Variants in GRIP1 observed in about 807,000 individuals in gnomAD.
GRIP1 encodes the protein glutamate receptor-interacting protein 1.
A neutral mutation model predicts 129.9 loss-of-function variants in GRIP1; 45 were observed. That is an observed-to-expected ratio of 0.35 (90% CI 0.27 to 0.44). GRIP1 has a LOEUF of 0.44. Ranked by LOEUF, GRIP1 falls within the 20% of genes least tolerant of loss-of-function variation. The pLI, the probability that GRIP1 is intolerant of heterozygous loss-of-function variation, is 1.00. For missense variants in GRIP1, 1,196 were observed against 1,396.8 expected, an observed-to-expected ratio of 0.86 and a Z score of 2.29; for synonymous variants, 530 against 520.8, an observed-to-expected ratio of 1.02 and a Z score of -0.24.
chr12:66,590,950 T>C (rs780660068), intron 2 of GRIP1, among the ~76,000 whole-genome samples: 2 of 152,172 alleles, frequency 1.3e-5, no homozygotes, highest in Non-Finnish European at 2.9e-5. Context: ...GGGCCACAGA[T>C]TCCTCACAGA....
chr12:66,503,539 C>T (rs1237094425), intron 7 of GRIP1, among the ~76,000 whole-genome samples: 1 of 152,190 alleles, frequency 6.6e-6, no homozygotes, highest in Non-Finnish European at 1.5e-5. Context: ...TAAACTTCCA[C>T]TCCTGCTCCG....
intron 1 of GRIP1, among the ~76,000 whole-genome samples, chr12:66,875,026 A>C (rs2040359626): frequency 6.6e-6 from 1 of 152,088 alleles, no homozygotes; most frequent in Non-Finnish European, 1.5e-5. Flanking sequence ...AGACACATAA[A>C]GATAGGAACC....
rs551065018 is a variant in GRIP1, at chr12:66,835,138, A to ACAAC, written c.58+233908_58+233911dup. Among the ~76,000 whole-genome samples, 4 of 152,280 alleles carry ACAAC rather than the reference A, an allele frequency of 2.6e-5. No individual in the cohort carries two copies. The East Asian group carries it at 7.7e-4, about 29-fold the overall frequency. On this transcript the variant is annotated intron_variant, in intron 1 of 1. Coordinates refer to the GRIP1 transcript ENST00000643019. Reference sequence around the variant, plus strand: ...TTTTTAAAACTCAAGCAGAAAACGAACAACCAACCAACCAAATAAACAAAC... The same window carrying ACAAC: ...TTTTTAAAACTCAAGCAGAAAACGAACAACCAACCAACCAACCAAATAAACAAAC...
chr12:66,415,342 G>C (rs2057560952), intron 15 of GRIP1, among the ~76,000 whole-genome samples: 1 of 152,156 alleles, frequency 6.6e-6, no homozygotes, highest in Non-Finnish European at 1.5e-5. Context: ...CTGATCATTA[G>C]AGAAATACAA....
At chr12:67,052,046 C>T (rs2043354738) in intron 1 of GRIP1, among the ~76,000 whole-genome samples, 1 of 152,152 alleles carries the variant, frequency 6.6e-6, no homozygotes, top group Admixed American at 6.5e-5. Flanking sequence ...CAAATGGAGG[C>T]ATATTCTTTA....
intron 9 of GRIP1, among the ~76,000 whole-genome samples, chr12:66,462,242 A>C (rs1475509330): frequency 6.6e-6 from 1 of 152,228 alleles, no homozygotes; most frequent in Non-Finnish European, 1.5e-5. Context: ...AAAAGACATA[A>C]TATATTGTAA....
chr12:66,965,018 C>A (rs1247680942), intron 1 of GRIP1, among the ~76,000 whole-genome samples: 2 of 152,076 alleles, frequency 1.3e-5, no homozygotes, highest in African/African-American at 4.8e-5. Flanking sequence ...TTAACTTAAG[C>A]ACCTCTTTAA....
chr12:66,583,755 A>C (rs1344271156), intron 2 of GRIP1, among the ~76,000 whole-genome samples: 1 of 137,266 alleles, frequency 7.3e-6, no homozygotes, highest in South Asian at 2.3e-4. Context: ...AAGTCAGGAA[A>C]CAACAGGTGC....
At chr12:66,503,316 G>T (rs2060441215) in intron 7 of GRIP1, among the ~76,000 whole-genome samples, 1 of 152,060 alleles carries the variant, frequency 6.6e-6, no homozygotes, top group Non-Finnish European at 1.5e-5. Flanking sequence ...AGATGGGCAT[G>T]CATACAACTT....
At chr12:66,995,131 G>A (rs2042448482) in intron 1 of GRIP1, among the ~76,000 whole-genome samples, 1 of 151,080 alleles carries the variant, frequency 6.6e-6, no homozygotes, top group Admixed American at 6.6e-5. Flanking sequence ...AGTACAACTG[G>A]ATATTTATAT....
chr12:66,544,817 G>C (rs889502578), intron 2 of GRIP1, among the ~76,000 whole-genome samples: 2 of 152,100 alleles, frequency 1.3e-5, no homozygotes, highest in Non-Finnish European at 2.9e-5. Flanking sequence ...TCTCCACTTG[G>C]CTAATTAATC....
intron 1 of GRIP1, among the ~76,000 whole-genome samples, chr12:66,849,473 G>T (rs1394622150): frequency 1.3e-5 from 2 of 151,944 alleles, no homozygotes. Flanking sequence ...CTTTTGGCTG[G>T]GTACAGTGGC....
intron 1 of GRIP1, among the ~76,000 whole-genome samples, chr12:66,870,776 A>C (rs1465748060): frequency 4.6e-5 from 7 of 152,108 alleles, no homozygotes; most frequent in African/African-American, 1.7e-4. Flanking sequence ...TGTCAATGCT[A>C]GGATTTACAG....
rs994599110 is a variant in GRIP1 at position 66,961,490 on chromosome 12, G to A, written c.58+107560C>T. Among the ~76,000 whole-genome samples the A allele has an allele frequency of 1.1e-4, 16 of 152,226 alleles. No individual in the cohort carries two copies. The East Asian group carries it at 2.9e-3, about 28-fold the overall frequency. The stretch of plus-strand genomic sequence containing the variant: ...AAACAATGTTATAAGAAGTAGTTAA[G>A]TTTAAGGAAGAAGTAGTTAAGTTTA... On this transcript the variant is annotated intron_variant, in intron 1 of 1. Transcript: ENST00000643019.
intron 15 of GRIP1, among the ~76,000 whole-genome samples, chr12:66,416,337 G>A (rs2137785143): frequency 1.3e-5 from 2 of 152,142 alleles, no homozygotes; most frequent in Middle Eastern, 6.8e-3. Flanking sequence ...ACCTAACAAT[G>A]CATCTTAAAG....
At chr12:67,039,548 A>G (rs1434540613) in intron 1 of GRIP1, among the ~76,000 whole-genome samples, 1 of 152,176 alleles carries the variant, frequency 6.6e-6, no homozygotes, top group Admixed American at 6.5e-5. Context: ...TGCTAGTCAA[A>G]AGTCAATTAA....
intron 1 of GRIP1, among the ~76,000 whole-genome samples, chr12:66,733,816 C>T (rs972558599): frequency 4.6e-5 from 7 of 152,086 alleles, no homozygotes; most frequent in African/African-American, 9.7e-5. Context: ...ACCAAAACAT[C>T]CTGTAGGATT....
At chr12:67,048,649 T>A (rs1397046606) in intron 1 of GRIP1, among the ~76,000 whole-genome samples, 1 of 152,074 alleles carries the variant, frequency 6.6e-6, no homozygotes, top group East Asian at 1.9e-4. Flanking sequence ...CATCCTGAGT[T>A]GTAACTCCCA....
Position 66,704,262 on chromosome 12 carries a change from A to C in GRIP1, c.-419-73926T>G, listed in dbSNP as rs556708148. Among the ~76,000 whole-genome samples, 156 of 152,188 alleles carry C rather than the reference A, an allele frequency of 1.0e-3. 2 individuals carry two copies. Among genetic ancestry groups the C allele is most frequent in the African/African-American group, 3.7e-3 (154 of 41,562 alleles). ...GTGAACATATCATCTTTTGATGAGG[A>C]AACATTTTCAAAGTATTAAAGCAAT... On this transcript the variant is annotated intron_variant, in intron 1 of 4. Coordinates refer to the GRIP1 transcript ENST00000538373.
Sources: allele counts gnomAD v4.1 joint callset (sites outside exome capture counted in the v4.1 genomes callset), GRCh38; gene constraint gnomAD v4.1.1; transcripts MANE v1.5; gene names NCBI Gene and HGNC (gene_info 2026-07-23, HGNC 2026-07-21).